Variants in RALGAPA2 observed in about 807,000 individuals in gnomAD.
RALGAPA2 encodes Ral GTPase activating protein catalytic subunit alpha 2, also known as ral GTPase-activating protein subunit alpha-2.
Under a neutral mutation model 230.4 loss-of-function variants are expected in RALGAPA2, and 139 were observed. The ratio of observed to expected loss-of-function variants is 0.60; its 90% CI spans 0.53 to 0.69. RALGAPA2 has a LOEUF of 0.69. Ranked by LOEUF, RALGAPA2 falls within the 30% of genes least tolerant of loss-of-function variation. RALGAPA2 has a pLI of 0.00. For missense variants in RALGAPA2, 2,163 were observed against 2,276.0 expected (o/e 0.95, Z 1.01); for synonymous variants, 847 against 837.8 (o/e 1.01, Z -0.19).
intron 36 of RALGAPA2, among the ~76,000 whole-genome samples, chr20:20,474,387 G>C (rs557176731): frequency 1.4e-4 from 22 of 152,332 alleles, no homozygotes; most frequent in Admixed American, 1.2e-3. Flanking sequence ...TCTGTTCTGA[G>C]TAAGATCAAA....
At chr20:20,547,475 CTG>C (rs1339585488) in intron 23 of RALGAPA2, among the ~76,000 whole-genome samples, 3 of 152,224 alleles carry the variant, frequency 2.0e-5, no homozygotes, top group African/African-American at 7.2e-5. Context: ...TCTTGTGTTC[CTG>C]TGTGTGTAAT....
At chr20:20,592,061 C>G (rs969638805) in intron 16 of RALGAPA2, among the ~76,000 whole-genome samples, 1 of 152,160 alleles carries the variant, frequency 6.6e-6, no homozygotes, top group Admixed American at 6.5e-5. Flanking sequence ...AATTATCACC[C>G]CACCCTCTCT....
At position 20,591,103 on chromosome 20, in the gene RALGAPA2, G is replaced by A. The variant is rs911431499; in HGVS notation, c.2341+74C>T. The A allele has an allele frequency of 9.9e-6, 15 of 1,509,644 alleles. No homozygotes were observed. In the African/African-American group the frequency reaches 1.8e-4, roughly 18 times the overall value. 93.5% of individuals were successfully genotyped at this position (1,509,644 alleles called of 1,614,324 possible). A position where few individuals can be genotyped will look rare whatever the true frequency, so the allele number is the denominator to read the frequency against. On this transcript the variant is annotated intron_variant, in intron 17 of 39. Transcript: ENST00000202677. ...AATATATTCAGAATATATGTACAAA[G>A]CAATACTATATGCAGCTTTTATTCC... is the stretch of plus-strand genomic sequence containing the variant.
intron 23 of RALGAPA2, among the ~76,000 whole-genome samples, chr20:20,559,338 G>A (rs1352124752): frequency 6.6e-6 from 1 of 151,982 alleles, no homozygotes; most frequent in Non-Finnish European, 1.5e-5. Flanking sequence ...TAGACAATTC[G>A]TGTTTAGACA....
In RALGAPA2 at chr20:20,712,159, T is replaced by G. The variant is rs569542007; in HGVS notation, c.106+216A>C. Among the ~76,000 whole-genome samples the G allele has an allele frequency of 1.3e-5, 2 of 152,108 alleles. No individual in the cohort carries two copies. Among genetic ancestry groups the G allele is most frequent in the African/African-American group, 4.8e-5 (2 of 41,510 alleles). On this transcript the variant is annotated intron_variant, in intron 1 of 39. Coordinates refer to ENST00000202677, the MANE Select transcript of RALGAPA2 (RefSeq NM_020343.4). This position sits in a 1 kb window ranked among gnomAD's most constrained non-coding sequence, Gnocchi z 5.5. The stretch of plus-strand genomic sequence containing the variant: ...GCCCAGCGAGAATCTGGGCTAAGTT[T>G]AACTCGAGGGCGACGGGAGCAGTGC...
intron 4 of RALGAPA2, among the ~76,000 whole-genome samples, chr20:20,652,238 A>C (rs1269985606): frequency 2.0e-5 from 3 of 152,124 alleles, no homozygotes; most frequent in Non-Finnish European, 4.4e-5. Flanking sequence ...ATCATGTTGC[A>C]TTCTTTCAGG....
At chr20:20,549,909 G>A (rs2063876693) in intron 23 of RALGAPA2, among the ~76,000 whole-genome samples, 3 of 152,158 alleles carry the variant, frequency 2.0e-5, no homozygotes, top group African/African-American at 7.2e-5. Context: ...TCATTCATGT[G>A]CAATCCTCAT....
intron 3 of RALGAPA2, among the ~76,000 whole-genome samples, chr20:20,669,114 T>C (rs1034967676): frequency 6.6e-6 from 1 of 152,204 alleles, no homozygotes; most frequent in African/African-American, 2.4e-5. Flanking sequence ...TGAGTGGCAC[T>C]CCAATGCCAG....
chr20:20,670,794 T>C (rs1180471592), intron 3 of RALGAPA2, among the ~76,000 whole-genome samples: 1 of 151,090 alleles, frequency 6.6e-6, no homozygotes, highest in Non-Finnish European at 1.5e-5. Flanking sequence ...CTAAAAAATA[T>C]AACAATTAGC....
chr20:20,593,830 T>C (rs919280846), intron 16 of RALGAPA2, among the ~76,000 whole-genome samples: 2 of 152,182 alleles, frequency 1.3e-5, no homozygotes, highest in African/African-American at 4.8e-5. Flanking sequence ...CACAGCACCA[T>C]TGCTTCCAAA....
intron 37 of RALGAPA2, among the ~76,000 whole-genome samples, chr20:20,456,369 C>A (rs1471847970): frequency 6.6e-6 from 1 of 152,178 alleles, no homozygotes; most frequent in Non-Finnish European, 1.5e-5. Flanking sequence ...ATAGTGAGCC[C>A]CTCACCCAGT....
At position 20,629,399 on chromosome 20, in the gene RALGAPA2, T is replaced by A; in HGVS notation, c.1197A>T (p.Arg399=). The A allele has an allele frequency of 6.2e-7, 1 of 1,610,838 alleles. No individual in the cohort carries two copies. Among genetic ancestry groups the A allele is most frequent in the Non-Finnish European group, 8.5e-7 (1 of 1,178,890 alleles). The part of the protein sequence containing the change: ...EMVQRILLST[R]GYVNFVNEVF... ...CTTCATTCACGAAGTTGACATAACC[T>A]CGTGTTGACAAGAGAATCCGCTGTA... is the stretch of plus-strand genomic sequence containing the variant. Residue 399 remains arginine (R), a synonymous_variant, in exon 10 of 40, where the codon CGA becomes CGT. Transcript: ENST00000202677.
At chr20:20,601,138 A>T (rs1250244392) in intron 16 of RALGAPA2, among the ~76,000 whole-genome samples, 3 of 152,180 alleles carry the variant, frequency 2.0e-5, no homozygotes, top group Non-Finnish European at 4.4e-5. Context: ...AGAAAAGAAA[A>T]GAAAAAAAGA....
intron 10 of RALGAPA2, among the ~76,000 whole-genome samples, chr20:20,622,612 C>T (rs2066357615): frequency 6.6e-6 from 1 of 152,114 alleles, no homozygotes; most frequent in African/African-American, 2.4e-5. Context: ...TAAAACACTT[C>T]TAAAATGAAA....
intron 14 of RALGAPA2, among the ~76,000 whole-genome samples, chr20:20,609,145 C>G (rs560489204): frequency 4.0e-4 from 61 of 152,230 alleles, no homozygotes; most frequent in African/African-American, 1.5e-3. Flanking sequence ...CAGGTGCATG[C>G]CACTATGGCT....
intron 1 of RALGAPA2, among the ~76,000 whole-genome samples, chr20:20,685,964 C>G (rs2068684454): frequency 6.6e-6 from 1 of 152,046 alleles, no homozygotes; most frequent in Non-Finnish European, 1.5e-5. Context: ...GACAGCCTGG[C>G]AGAGCTAGAG....
intron 9 of RALGAPA2, among the ~76,000 whole-genome samples, chr20:20,634,327 A>T (rs551610594): frequency 6.6e-5 from 10 of 152,102 alleles, no homozygotes; most frequent in African/African-American, 2.4e-4. Context: ...CAGAAAACTA[A>T]TTTTTTTCCC....
At chr20:20,558,296 G>A (rs1160371104) in intron 23 of RALGAPA2, among the ~76,000 whole-genome samples, 5 of 152,232 alleles carry the variant, frequency 3.3e-5, no homozygotes, top group East Asian at 3.9e-4. Flanking sequence ...AAAAGGCACC[G>A]CGCCCAGCCT....
intron 37 of RALGAPA2, among the ~76,000 whole-genome samples, chr20:20,417,023 C>T (rs866778949): frequency 6.6e-6 from 1 of 152,320 alleles, no homozygotes; most frequent in African/African-American, 2.4e-5. Context: ...CCAGAGCTAG[C>T]CATTCTCATG....
Sources: allele counts gnomAD v4.1 joint callset (sites outside exome capture counted in the v4.1 genomes callset), GRCh38; gene constraint gnomAD v4.1.1; non-coding constraint Gnocchi (gnomAD v3.1); transcripts MANE v1.5; gene names NCBI Gene and HGNC (gene_info 2026-07-23, HGNC 2026-07-21).